Variants in CCDC85C observed in about 807,000 individuals in gnomAD.
CCDC85C encodes coiled-coil domain-containing protein 85C.
In CCDC85C, 18 loss-of-function variants were observed where a neutral mutation model predicts 38.3. That is an observed-to-expected ratio of 0.47 (90% confidence interval 0.33 to 0.70). The LOEUF is 0.70. CCDC85C is among the 30% of genes least tolerant of loss of function. CCDC85C has a pLI of 0.03. For synonymous variants in CCDC85C, 264 were observed against 293.8 expected (o/e 0.90, Z 1.04); for missense variants, 566 against 621.2 (o/e 0.91, Z 0.94).
chr14:99,595,949 C>G (rs113981846), intron 1 of CCDC85C, among the ~76,000 whole-genome samples: 2,278 of 152,354 alleles, frequency 0.015, 29 homozygotes, highest in Non-Finnish European at 0.024. Context: ...ACCTGCCACT[C>G]TGTGCCAAGG....
At chr14:99,528,726 A>T (rs1205380863) in intron 2 of CCDC85C, among the ~76,000 whole-genome samples, 1 of 152,130 alleles carries the variant, frequency 6.6e-6, no homozygotes, top group Non-Finnish European at 1.5e-5. Flanking sequence ...GATGACCTGC[A>T]AGGTCGCCCA....
At chr14:99,534,827 G>C (rs1897561827) in intron 2 of CCDC85C, 4 of 656,056 alleles carry the variant, frequency 6.1e-6, no homozygotes, top group Non-Finnish European at 1.1e-5. Context: ...CTTCACCATA[G>C]GGCACCTGAC....
rs979309573 is a variant in CCDC85C, at chr14:99,516,634, C to T, written c.1072-348G>A. Among the ~76,000 whole-genome samples, 5 of 151,996 alleles carry T rather than the reference C, an allele frequency of 3.3e-5. No individual in the cohort carries two copies. Among genetic ancestry groups the T allele is most frequent in the African/African-American group, 1.2e-4 (5 of 41,360 alleles). ...GGGGGTGTGAGTAGGCGTGGCCGTG[C>T]ATGCATGTGGGATGTCATGGGGCAC... On this transcript the variant is annotated intron_variant, in intron 4 of 5. Transcript: ENST00000380243. This position sits in a 1 kb window ranked among gnomAD's most constrained non-coding sequence, Gnocchi z 5.5.
At chr14:99,574,602 A>G (rs1435322079) in intron 1 of CCDC85C, among the ~76,000 whole-genome samples, 3 of 152,108 alleles carry the variant, frequency 2.0e-5, no homozygotes, top group Non-Finnish European at 4.4e-5. Flanking sequence ...GTGGCCTGCG[A>G]GGAATTTAGG....
rs1896890388 is a variant in CCDC85C at position 99,503,405 on chromosome 14, T to C, written c.*11841A>G. On this transcript the variant is annotated 3_prime_UTR_variant, in exon 6 of 6. Coordinates refer to ENST00000380243, the MANE Select transcript of CCDC85C (RefSeq NM_001144995.2). Reference sequence around the variant, plus strand: ...CAGGAAAGCTAGTCATTCTGTCTTATTTGGTAAATGGAAAGAGGAAGGGAG... The same window carrying C: ...CAGGAAAGCTAGTCATTCTGTCTTACTTGGTAAATGGAAAGAGGAAGGGAG... 2 of 605,630 alleles carry C rather than the reference T, an allele frequency of 3.3e-6. No homozygotes were observed. Among genetic ancestry groups the C allele is most frequent in the African/African-American group, 1.9e-5 (1 of 54,024 alleles). 37.5% of individuals were successfully genotyped at this position (605,630 alleles called of 1,614,324 possible).
In CCDC85C at chr14:99,576,310, G is replaced by A. The variant is rs78087957; in HGVS notation, c.793+26857C>T. On this transcript the variant is annotated intron_variant, in intron 1 of 5. Coordinates refer to ENST00000380243, the MANE Select transcript of CCDC85C (RefSeq NM_001144995.2). This position sits in a 1 kb window ranked among gnomAD's most constrained non-coding sequence, Gnocchi z 4.8. ...CTAAAATCCAGGGCCAGGGCCCCTCGAGGGTGGTCCCAAAGGTCCCCAGGC... is the reference window on the plus strand; with the variant it reads ...CTAAAATCCAGGGCCAGGGCCCCTCAAGGGTGGTCCCAAAGGTCCCCAGGC... 0.012 allele frequency among the ~76,000 whole-genome samples: 1,778 copies of A among 152,298 alleles called. 94 individuals carry two copies. The East Asian group carries it at 0.15, about 12-fold the overall frequency.
rs1277132060 is a variant in CCDC85C at position 99,588,073 on chromosome 14, GGCCTCC to G, written c.793+15088_793+15093del. ...CCTTCCACACCCCCAGGCCTGCACA[GGCCTCC>G]TGGGCCGGATTCCCCACTGGGTCTG... is the stretch of plus-strand genomic sequence containing the variant. On this transcript the variant is annotated intron_variant, in intron 1 of 5. Coordinates refer to ENST00000380243, the MANE Select transcript of CCDC85C (RefSeq NM_001144995.2). The surrounding 1 kb of genome is among the most constrained non-coding windows in gnomAD (Gnocchi z 5.0). 6.6e-5 allele frequency among the ~76,000 whole-genome samples: 10 copies of G among 152,248 alleles called. No individual in the cohort carries two copies. The highest frequency in any genetic ancestry group is 2.4e-4 in the African/African-American group (10 of 41,550).
intron 1 of CCDC85C, among the ~76,000 whole-genome samples, chr14:99,539,341 G>C (rs1326351806): frequency 2.0e-5 from 3 of 151,868 alleles, no homozygotes. Context: ...GTGATGGCAG[G>C]CACCTGTAAT....
chr14:99,579,199 A>T (rs1011735747), intron 1 of CCDC85C, among the ~76,000 whole-genome samples: 3 of 152,204 alleles, frequency 2.0e-5, no homozygotes, highest in Non-Finnish European at 4.4e-5. Flanking sequence ...CCATGAAATG[A>T]CGTCAGGGAA....
chr14:99,516,206 G>C lies in CCDC85C; in HGVS notation c.1152C>G (p.Ile384Met). The change falls in exon 5 of 6, where the codon ATC becomes ATG. Residue 384 changes from isoleucine (I) to methionine (M), a missense_variant. By Grantham distance (10) the Ile-to-Met change is conservative (BLOSUM62 1). Coordinates refer to ENST00000380243, the MANE Select transcript of CCDC85C (RefSeq NM_001144995.2). This position sits in a 1 kb window ranked among gnomAD's most constrained non-coding sequence, Gnocchi z 5.5. ...GCCTCACGTTGCACATCTCGCGAAC[G>C]ATGGCCTTCTCCTTCTCACTCAGGT... ...EEDLSEKEKA[I>M]VREMCNVVWR... 1 of 1,551,246 alleles carries C rather than the reference G, an allele frequency of 6.4e-7. No homozygotes were observed. The highest frequency in any genetic ancestry group is 8.7e-7 in the Non-Finnish European group (1 of 1,146,896).
intron 1 of CCDC85C, among the ~76,000 whole-genome samples, chr14:99,565,449 A>G (rs564879791): frequency 1.1e-4 from 17 of 152,198 alleles, no homozygotes; most frequent in Non-Finnish European, 2.1e-4. Context: ...GACAACCTAG[A>G]ACCCTCTACA....
At chr14:99,521,019 T>C (rs1186736665) in intron 3 of CCDC85C, among the ~76,000 whole-genome samples, 10 of 152,210 alleles carry the variant, frequency 6.6e-5, no homozygotes, top group African/African-American at 2.2e-4. Context: ...CTGGTACATG[T>C]GAGAGCTGTG....
At chr14:99,571,474 C>T (rs1006955306) in intron 1 of CCDC85C, among the ~76,000 whole-genome samples, 1 of 152,174 alleles carries the variant, frequency 6.6e-6, no homozygotes, top group Non-Finnish European at 1.5e-5. Flanking sequence ...TTCTGTAGGC[C>T]CCACTGGAAG....
chr14:99,564,836 G>T (rs1174101000), intron 1 of CCDC85C, among the ~76,000 whole-genome samples: 1 of 152,218 alleles, frequency 6.6e-6, no homozygotes, highest in Non-Finnish European at 1.5e-5. Flanking sequence ...GAGCCTTCTG[G>T]ACAGACTGAG....
At chr14:99,561,859 C>T (rs546708990) in intron 1 of CCDC85C, among the ~76,000 whole-genome samples, 19 of 152,210 alleles carry the variant, frequency 1.2e-4, no homozygotes, top group African/African-American at 1.2e-4. Context: ...CCCTGCGCTA[C>T]GGCGTTGGTG....
At chr14:99,596,498 T>C (rs1220805533) in intron 1 of CCDC85C, among the ~76,000 whole-genome samples, 1 of 152,226 alleles carries the variant, frequency 6.6e-6, no homozygotes, top group Admixed American at 6.5e-5. Flanking sequence ...CTGATCTTTC[T>C]GCTCTGCTCC....
chr14:99,529,494 C>G (rs901177972), intron 2 of CCDC85C, among the ~76,000 whole-genome samples: 2 of 152,192 alleles, frequency 1.3e-5, no homozygotes, highest in Non-Finnish European at 2.9e-5. Flanking sequence ...CCTCTGCCTC[C>G]AGGTTTCAAG....
Position 99,558,101 on chromosome 14 carries a change from G to A in CCDC85C, c.794-22013C>T, listed in dbSNP as rs1170609635. 6.6e-6 allele frequency among the ~76,000 whole-genome samples: 1 copy of A among 152,124 alleles called. No homozygotes were observed. Among genetic ancestry groups the A allele is most frequent in the Non-Finnish European group, 1.5e-5 (1 of 68,018 alleles). On this transcript the variant is annotated intron_variant, in intron 1 of 5. Coordinates refer to ENST00000380243, the MANE Select transcript of CCDC85C (RefSeq NM_001144995.2). The surrounding 1 kb of genome is among the most constrained non-coding windows in gnomAD (Gnocchi z 4.2). The stretch of plus-strand genomic sequence containing the variant: ...ATTTAAGTCGATTCTGGAAAAACCT[G>A]GACAAACCTCCACAGTTTCTCAGGG...
In CCDC85C at chr14:99,510,662, G is replaced by A. The variant is rs370655229; in HGVS notation, c.*4584C>T. 3.1e-5 allele frequency: 43 copies of A among 1,374,316 alleles called. No individual in the cohort carries two copies. Among genetic ancestry groups the A allele is most frequent in the Middle Eastern group, 2.3e-4 (1 of 4,286 alleles). The allele number at this position is 1,374,316 out of a possible 1,614,324, so 85.1% of individuals were successfully genotyped here. ...ATCCTCCTCCAGGGTTGGGCCTGCCGCCAGCCAGCTACCCACCTCCTGCCG... is the reference window on the plus strand; with the variant it reads ...ATCCTCCTCCAGGGTTGGGCCTGCCACCAGCCAGCTACCCACCTCCTGCCG... On this transcript the variant is annotated 3_prime_UTR_variant, in exon 6 of 6. Transcript: ENST00000380243.
Sources: gnomAD v4.1 joint callset for allele counts (sites outside exome capture counted in the v4.1 genomes callset) on GRCh38, gnomAD v4.1.1 for gene constraint, Gnocchi (gnomAD v3.1) non-coding constraint, MANE v1.5 for transcripts, NCBI Gene and HGNC (gene_info 2026-07-23, HGNC 2026-07-21) for gene names.